COL23A1: variants seen among roughly 807,000 people sequenced by gnomAD.
COL23A1 encodes collagen alpha-1(XXIII) chain.
A neutral mutation model predicts 99.3 loss-of-function variants in COL23A1; 97 were observed. That is an observed-to-expected ratio of 0.98 (90% CI 0.83 to 1.16). The LOEUF (loss-of-function observed/expected upper bound fraction) is 1.16. Among genes scored for constraint, COL23A1 ranks in the 50% most tolerant of loss-of-function variants. The pLI, the probability that COL23A1 is intolerant of heterozygous loss-of-function variation, is 0.00. For synonymous variants in COL23A1, 320 were observed against 308.2 expected, an observed-to-expected ratio of 1.04 and a Z score of -0.40; for missense variants, 762 against 757.4, an observed-to-expected ratio of 1.01 and a Z score of -0.07.
intron 2 of COL23A1, among the ~76,000 whole-genome samples, chr5:178,355,753 G>A (rs1030418769): frequency 1.3e-5 from 2 of 152,160 alleles, no homozygotes; most frequent in African/African-American, 4.8e-5. Context: ...GCCTCCCAAA[G>A]TGCTGGGAAT....
At position 178,269,499 on chromosome 5, in the gene COL23A1, C is replaced by T. The variant is rs994355745; in HGVS notation, c.469-743G>A. Among the ~76,000 whole-genome samples, 3 of 102,890 alleles carry T rather than the reference C, an allele frequency of 2.9e-5. No homozygotes were observed. The South Asian group carries it at 1.2e-3, about 40-fold the overall frequency. The allele number at this position is 102,890 out of a possible 152,430, so 67.5% of individuals were successfully genotyped here. The stretch of plus-strand genomic sequence containing the variant: ...CCCACCCATCCACCCACCCATCCAC[C>T]CATCCACCCATCCACCCACCCATCC... On this transcript the variant is annotated intron_variant, in intron 6 of 28. Coordinates refer to ENST00000390654, the MANE Select transcript of COL23A1 (RefSeq NM_173465.4).
chr5:178,416,408 G>C (rs1765312823), intron 2 of COL23A1, among the ~76,000 whole-genome samples: 1 of 152,144 alleles, frequency 6.6e-6, no homozygotes, highest in African/African-American at 2.4e-5. Flanking sequence ...TTGGTGCCTG[G>C]ATCAGCTTGG....
intron 2 of COL23A1, among the ~76,000 whole-genome samples, chr5:178,433,020 G>A (rs367971613): frequency 6.6e-6 from 1 of 151,944 alleles, no homozygotes; most frequent in African/African-American, 2.4e-5. Flanking sequence ...TTCCCTCTCC[G>A]AGAGGTTTAT....
chr5:178,364,861 GCA>G (rs1762377079), intron 2 of COL23A1, among the ~76,000 whole-genome samples: 2 of 152,316 alleles, frequency 1.3e-5, no homozygotes, highest in African/African-American at 2.4e-5. Context: ...AGGTTTCAGG[GCA>G]CACTGCAGGG....
rs190506242 is a variant in COL23A1, at chr5:178,285,576, G to C, written c.441+2748C>G. On this transcript the variant is annotated intron_variant, in intron 5 of 28. Coordinates refer to ENST00000390654, the MANE Select transcript of COL23A1 (RefSeq NM_173465.4). The stretch of plus-strand genomic sequence containing the variant: ...AGGAAAGACAGTGATATTTATAGAA[G>C]GGCTGCCACACACAGGACTGGAAAT... Among the ~76,000 whole-genome samples, 11 of 152,308 alleles carry C rather than the reference G, an allele frequency of 7.2e-5. No homozygotes were observed. The East Asian group carries it at 2.1e-3, about 29-fold the overall frequency.
chr5:178,358,078 G>A (rs1394682006), intron 2 of COL23A1, among the ~76,000 whole-genome samples: 1 of 144,432 alleles, frequency 6.9e-6, no homozygotes, highest in East Asian at 2.1e-4. Flanking sequence ...GTGTGTATGT[G>A]TATGTACGTG....
At position 178,309,740 on chromosome 5, in the gene COL23A1, T is replaced by C. The variant is rs1581128082; in HGVS notation, c.362-2821A>G. On this transcript the variant is annotated intron_variant, in intron 2 of 28. Transcript: ENST00000390654. This position sits in a 1 kb window ranked among gnomAD's most constrained non-coding sequence, Gnocchi z 4.7. ...CATCATCCTGCCCCAGCCCCCAACC[T>C]GGACCCCTTCCTTCTCAGCATCAGG... 1.4e-5 allele frequency among the ~76,000 whole-genome samples: 2 copies of C among 145,074 alleles called. No homozygotes were observed. Among genetic ancestry groups the C allele is most frequent in the African/African-American group, 2.6e-5 (1 of 38,338 alleles).
chr5:178,349,741 C>T (rs913389961), intron 2 of COL23A1, among the ~76,000 whole-genome samples: 3 of 152,230 alleles, frequency 2.0e-5, no homozygotes, highest in African/African-American at 7.2e-5. Flanking sequence ...ACTGGGGTCC[C>T]CCAACCCTCA....
chr5:178,499,013 C>A (rs1458505409), intron 2 of COL23A1, among the ~76,000 whole-genome samples: 1 of 152,088 alleles, frequency 6.6e-6, no homozygotes, highest in Non-Finnish European at 1.5e-5. Flanking sequence ...TTGTTTGAAC[C>A]TGGGAGGCGG....
At chr5:178,391,210 G>C (rs79176196) in intron 2 of COL23A1, among the ~76,000 whole-genome samples, 1,644 of 152,286 alleles carry the variant, frequency 0.011, 13 homozygotes, top group Middle Eastern at 0.024. Context: ...TTCCACCCTT[G>C]TCTGTGGAAA....
intron 4 of COL23A1, among the ~76,000 whole-genome samples, chr5:178,289,758 A>G (rs1757354908): frequency 6.6e-6 from 1 of 151,972 alleles, no homozygotes; most frequent in Non-Finnish European, 1.5e-5. Context: ...TGAGCCCAAG[A>G]TTTGGTGAGG....
chr5:178,482,619 C>T (rs958044707), intron 2 of COL23A1, among the ~76,000 whole-genome samples: 5 of 152,196 alleles, frequency 3.3e-5, no homozygotes, highest in South Asian at 4.1e-4. Flanking sequence ...GCTGGCCGGG[C>T]GTGGTGGCCC....
chr5:178,446,103 A>T (rs566551097), intron 2 of COL23A1, among the ~76,000 whole-genome samples: 18 of 152,166 alleles, frequency 1.2e-4, no homozygotes, highest in Admixed American at 4.6e-4. Flanking sequence ...ATATATATAT[A>T]TTTTTAAACA....
chr5:178,426,418 G>T (rs1765938300), intron 2 of COL23A1, among the ~76,000 whole-genome samples: 1 of 152,190 alleles, frequency 6.6e-6, no homozygotes, highest in African/African-American at 2.4e-5. Context: ...TCTAGTGGCT[G>T]CCCCATTGGG....
intron 2 of COL23A1, among the ~76,000 whole-genome samples, chr5:178,358,557 C>T (rs770596111): frequency 6.4e-4 from 79 of 124,360 alleles, no homozygotes; most frequent in African/African-American, 1.0e-3. Context: ...TGTATGTGTA[C>T]GTGTGTATGT....
intron 3 of COL23A1, among the ~76,000 whole-genome samples, chr5:178,305,363 A>G (rs1758294743): frequency 6.6e-6 from 1 of 151,916 alleles, no homozygotes; most frequent in Non-Finnish European, 1.5e-5. Flanking sequence ...TCCAGGGAGA[A>G]GAGTCTGAGG....
intron 2 of COL23A1, among the ~76,000 whole-genome samples, chr5:178,390,062 G>A (rs1581288701): frequency 6.6e-6 from 1 of 152,208 alleles, no homozygotes; most frequent in Non-Finnish European, 1.5e-5. Context: ...AGCCACATCT[G>A]CTGAGGCTTT....
intron 2 of COL23A1, among the ~76,000 whole-genome samples, chr5:178,369,219 C>T (rs781605186): frequency 6.6e-5 from 10 of 152,132 alleles, no homozygotes; most frequent in Admixed American, 1.3e-4. Flanking sequence ...CCAGGGGAGA[C>T]GAACAGGTCT....
chr5:178,285,547 G>C (rs1757106356), intron 5 of COL23A1, among the ~76,000 whole-genome samples: 1 of 152,156 alleles, frequency 6.6e-6, no homozygotes, highest in Non-Finnish European at 1.5e-5. Context: ...GACTGTCAAC[G>C]ATGAGGAAAG....
Sources: gnomAD v4.1 joint callset for allele counts (sites outside exome capture counted in the v4.1 genomes callset) on GRCh38, gnomAD v4.1.1 for gene constraint, Gnocchi (gnomAD v3.1) non-coding constraint, MANE v1.5 for transcripts, NCBI Gene and HGNC (gene_info 2026-07-23, HGNC 2026-07-21) for gene names.